PLCL2: variants seen among roughly 807,000 people sequenced by gnomAD.
PLCL2 encodes the protein inactive phospholipase C-like protein 2.
In PLCL2, 4 loss-of-function variants were observed where a neutral mutation model predicts 79.6. That is an observed-to-expected ratio of 0.05 (90% CI 0.02 to 0.11). PLCL2 has a LOEUF of 0.11. Among genes scored for constraint, PLCL2 ranks in the 10% least tolerant of loss-of-function variants. The pLI is 1.00. For synonymous variants in PLCL2, 484 were observed against 457.7 expected (o/e 1.06, Z -0.73); for missense variants, 895 against 1,291.0 (o/e 0.69, Z 4.70).
At chr3:17,042,787 C>T in intron 3 of PLCL2, 87 bp from the exon 4 acceptor site, 1 of 882,688 alleles carries the variant, frequency 1.1e-6, no homozygotes, top group Non-Finnish European at 1.9e-6. Flanking sequence ...TCACATCAGC[C>T]TGTTTTAGGA....
Position 17,011,318 on chromosome 3 carries a change from A to G in PLCL2, c.1972A>G (p.Asn658Asp), listed in dbSNP as rs1285283277. The G allele has an allele frequency of 6.2e-7, 1 of 1,614,214 alleles. No individual in the cohort carries two copies. Among genetic ancestry groups the G allele is most frequent in the Non-Finnish European group, 8.5e-7 (1 of 1,180,038 alleles). The part of the protein sequence containing the change: ...FNEVLASKYA[N>D]ENPGDFVNYN... ...TGAAGTGCTTGCCAGCAAGTACGCC[A>G]ATGAAAATCCAGGGGACTTTGTAAA... The change falls in exon 2 of 6, where the codon AAT becomes GAT. Residue 658 changes from asparagine to aspartate, a missense_variant. Coordinates refer to ENST00000615277, the MANE Select transcript of PLCL2 (RefSeq NM_001144382.2). This position sits in a 1 kb window ranked among gnomAD's most constrained non-coding sequence, Gnocchi z 7.9.
At chr3:16,912,952 G>A (rs1391617745) in intron 1 of PLCL2, among the ~76,000 whole-genome samples, 1 of 152,132 alleles carries the variant, frequency 6.6e-6, no homozygotes, top group Admixed American at 6.5e-5. Flanking sequence ...CACATGCTTA[G>A]ATAATTACAA....
At chr3:16,954,180 C>G (rs561099425) in intron 1 of PLCL2, among the ~76,000 whole-genome samples, 84 of 152,250 alleles carry the variant, frequency 5.5e-4, no homozygotes, top group African/African-American at 1.7e-3. Flanking sequence ...TCCCCGCTCC[C>G]CCCAGCCCAC....
At chr3:17,029,900 G>A (rs1025480100) in intron 3 of PLCL2, among the ~76,000 whole-genome samples, 2 of 152,160 alleles carry the variant, frequency 1.3e-5, no homozygotes, top group African/African-American at 4.8e-5. Flanking sequence ...CAGGGCAACA[G>A]AAGATATTCC....
intron 1 of PLCL2, among the ~76,000 whole-genome samples, chr3:16,965,413 G>A (rs1463858276): frequency 6.6e-6 from 1 of 152,064 alleles, no homozygotes; most frequent in Non-Finnish European, 1.5e-5. Flanking sequence ...ATGCTGTTTT[G>A]GTTACTGTAG....
chr3:17,057,770 C>T (rs530206782), intron 4 of PLCL2, among the ~76,000 whole-genome samples: 41 of 152,320 alleles, frequency 2.7e-4, no homozygotes, highest in African/African-American at 9.6e-4. Flanking sequence ...GGGCAAGGGA[C>T]CTTTGTTTGT....
At chr3:17,070,312 C>A (rs572394595) in intron 5 of PLCL2, among the ~76,000 whole-genome samples, 1 of 152,248 alleles carries the variant, frequency 6.6e-6, no homozygotes, top group Non-Finnish European at 1.5e-5. Context: ...GAGCCTGATG[C>A]ACATATTAAT....
At chr3:16,973,117 A>G (rs1401996702) in intron 1 of PLCL2, among the ~76,000 whole-genome samples, 1 of 152,168 alleles carries the variant, frequency 6.6e-6, no homozygotes, top group Admixed American at 6.5e-5. Context: ...GTGGTGACCA[A>G]TAAGTCTTTC....
chr3:16,947,487 C>T (rs530413393), intron 1 of PLCL2, among the ~76,000 whole-genome samples: 40 of 152,254 alleles, frequency 2.6e-4, no homozygotes, highest in African/African-American at 8.4e-4. Context: ...ATCTGCAAAG[C>T]CTTTGGGTTG....
chr3:16,928,855 C>A (rs1298737503), intron 1 of PLCL2, among the ~76,000 whole-genome samples: 1 of 152,058 alleles, frequency 6.6e-6, no homozygotes, highest in African/African-American at 2.4e-5. Context: ...CATGAGGACT[C>A]AGAAACATTC....
chr3:16,960,177 T>C (rs921989103), intron 1 of PLCL2, among the ~76,000 whole-genome samples: 1 of 152,208 alleles, frequency 6.6e-6, no homozygotes, highest in Non-Finnish European at 1.5e-5. Context: ...ACCACTATCA[T>C]TCAGATCTCT....
At chr3:16,951,065 C>T (rs1024758618) in intron 1 of PLCL2, among the ~76,000 whole-genome samples, 2 of 152,126 alleles carry the variant, frequency 1.3e-5, no homozygotes, top group African/African-American at 4.8e-5. Context: ...TCTAAAATGT[C>T]AACAGTGCTG....
intron 4 of PLCL2, among the ~76,000 whole-genome samples, chr3:17,058,706 C>T (rs1054880425): frequency 1.3e-5 from 2 of 152,082 alleles, no homozygotes; most frequent in Non-Finnish European, 2.9e-5. Flanking sequence ...TGACCATAGA[C>T]ATAGAAGAGG....
At chr3:16,966,621 T>C (rs983788095) in intron 1 of PLCL2, among the ~76,000 whole-genome samples, 5 of 152,124 alleles carry the variant, frequency 3.3e-5, no homozygotes, top group African/African-American at 1.2e-4. Context: ...TCTGGTAGAA[T>C]TCGGCCGTGA....
intron 3 of PLCL2, among the ~76,000 whole-genome samples, chr3:17,036,512 A>G (rs567784816): frequency 8.5e-5 from 13 of 152,290 alleles, no homozygotes; most frequent in African/African-American, 2.4e-4. Context: ...AGTAATAATT[A>G]TTTTAAAGTG....
chr3:16,936,553 A>G (rs540743072), intron 1 of PLCL2, among the ~76,000 whole-genome samples: 1 of 152,352 alleles, frequency 6.6e-6, no homozygotes, highest in East Asian at 1.9e-4. Flanking sequence ...GCAAACAAGC[A>G]GGCATCATAT....
In PLCL2 at chr3:16,885,127, G is replaced by A. The variant is rs1270771054; in HGVS notation, c.88G>A (p.Ala30Thr). The change falls in exon 1 of 6, where the codon GCC becomes ACC. Residue 30 changes from alanine (A) to threonine (T), a missense_variant. By Grantham distance (58) the Ala-to-Thr change is moderately conservative (BLOSUM62 0). Around this residue, in one of 6 missense-constraint regions of PLCL2, gnomAD observed 110 missense variants for 42.9 expected, o/e 2.56. Coordinates refer to ENST00000615277, the MANE Select transcript of PLCL2 (RefSeq NM_001144382.2). The stretch of plus-strand genomic sequence containing the variant: ...CCTCGGCGCCAAGGGCGCCCTGAAA[G>A]CCGGAGTGGGGGAAGGCGGTGGCGG... ...PALGAKGALK[A>T]GVGEGGGGGG... The A allele has an allele frequency of 6.3e-6, 3 of 475,412 alleles. No individual in the cohort carries two copies. Among genetic ancestry groups the A allele is most frequent in the Admixed American group, 4.3e-5 (1 of 23,396 alleles). The allele number at this position is 475,412 out of a possible 1,614,324, so 29.4% of individuals were successfully genotyped here. A position where few individuals can be genotyped will look rare whatever the true frequency, so the allele number is the denominator to read the frequency against.
At chr3:17,007,450 G>A (rs1309548230) in intron 1 of PLCL2, among the ~76,000 whole-genome samples, 1 of 152,122 alleles carries the variant, frequency 6.6e-6, no homozygotes, top group African/African-American at 2.4e-5. Flanking sequence ...TTAATATAAT[G>A]TATCTTACAG....
intron 5 of PLCL2, among the ~76,000 whole-genome samples, chr3:17,083,005 C>T (rs1463555788): frequency 6.6e-6 from 1 of 151,992 alleles, no homozygotes; most frequent in Non-Finnish European, 1.5e-5. Context: ...GTTATGGAGC[C>T]CTTACTCTGT....
Sources: gnomAD v4.1 joint callset for allele counts (sites outside exome capture counted in the v4.1 genomes callset) on GRCh38, gnomAD v4.1.1 for gene constraint, gnomAD v4.1.1 regional missense constraint, Gnocchi (gnomAD v3.1) non-coding constraint, MANE v1.5 for transcripts, NCBI Gene and HGNC (gene_info 2026-07-23, HGNC 2026-07-21) for gene names.